The following SUCLG2 variants were observed in gnomAD, a reference collection of about 807,000 sequenced individuals.
SUCLG2 encodes succinate-CoA ligase GDP-forming subunit beta, also known as succinate--CoA ligase [GDP-forming] subunit beta, mitochondrial.
A neutral mutation model predicts 47.9 loss-of-function variants in SUCLG2; 42 were observed. That is an observed-to-expected ratio of 0.88 (90% CI 0.69 to 1.14). The LOEUF (loss-of-function observed/expected upper bound fraction) is 1.14, where lower values mean the gene tolerates loss of function less well. Among genes scored for constraint, SUCLG2 ranks in the 50% most tolerant of loss-of-function variants. The pLI, the probability that SUCLG2 is intolerant of heterozygous loss-of-function variation, is 0.00. For synonymous variants in SUCLG2, 195 were observed against 197.3 expected, an observed-to-expected ratio of 0.99 and a Z score of 0.10; for missense variants, 571 against 525.9, an observed-to-expected ratio of 1.09 and a Z score of -0.84.
At chr3:67,569,425 G>T (rs543113800) in intron 2 of SUCLG2, among the ~76,000 whole-genome samples, 4 of 152,290 alleles carry the variant, frequency 2.6e-5, no homozygotes, top group South Asian at 2.1e-4. Flanking sequence ...GACTCTTAGG[G>T]GCGGGGCTAT....
chr3:67,521,847 T>A (rs1190974601), intron 4 of SUCLG2, among the ~76,000 whole-genome samples: 1 of 151,992 alleles, frequency 6.6e-6, no homozygotes, highest in Non-Finnish European at 1.5e-5. Context: ...CTTGAACTGC[T>A]GACTTCAAGT....
chr3:67,576,217 T>A (rs7629697), intron 2 of SUCLG2, among the ~76,000 whole-genome samples: 3 of 152,128 alleles, frequency 2.0e-5, no homozygotes, highest in Admixed American at 1.3e-4. Context: ...GTCAACACAG[T>A]TCTCAAGAAA....
intron 1 of SUCLG2, among the ~76,000 whole-genome samples, chr3:67,624,436 A>G (rs1700787837): frequency 6.6e-6 from 1 of 152,234 alleles, no homozygotes; most frequent in South Asian, 2.1e-4. Flanking sequence ...GGAAAACTTG[A>G]TCTTAGATGC....
chr3:67,412,152 G>A (rs1214419233), intron 9 of SUCLG2, among the ~76,000 whole-genome samples: 17 of 152,160 alleles, frequency 1.1e-4, no homozygotes, highest in Admixed American at 1.1e-3. Flanking sequence ...TTATTTAGCT[G>A]TTCAGCAAAT....
intron 7 of SUCLG2, among the ~76,000 whole-genome samples, chr3:67,503,165 A>G (rs768751799): frequency 1.3e-5 from 2 of 152,170 alleles, no homozygotes; most frequent in Non-Finnish European, 1.5e-5. Context: ...ATATTTACTA[A>G]CTGGTCCTTG....
At chr3:67,551,265 C>A (rs561820516) in intron 2 of SUCLG2, among the ~76,000 whole-genome samples, 1 of 152,186 alleles carries the variant, frequency 6.6e-6, no homozygotes, top group East Asian at 1.9e-4. Context: ...TGGACTAATG[C>A]TTTTATGTGT....
At chr3:67,481,680 A>G (rs1015883598) in intron 9 of SUCLG2, among the ~76,000 whole-genome samples, 2 of 152,224 alleles carry the variant, frequency 1.3e-5, no homozygotes, top group African/African-American at 4.8e-5. Flanking sequence ...ATATTGCTCT[A>G]TACTGGGTTT....
At chr3:67,638,240 G>C (rs1045996389) in intron 1 of SUCLG2, among the ~76,000 whole-genome samples, 1 of 152,170 alleles carries the variant, frequency 6.6e-6, no homozygotes, top group Non-Finnish European at 1.5e-5. Flanking sequence ...GATAATGATA[G>C]TACCTATGTT....
intron 2 of SUCLG2, among the ~76,000 whole-genome samples, chr3:67,533,303 T>A (rs1391438112): frequency 6.6e-6 from 1 of 152,252 alleles, no homozygotes; most frequent in African/African-American, 2.4e-5. Flanking sequence ...TCCTAAATGC[T>A]AAATGTATCA....
intron 2 of SUCLG2, among the ~76,000 whole-genome samples, chr3:67,575,103 G>A (rs1408844429): frequency 6.6e-6 from 1 of 152,164 alleles, no homozygotes; most frequent in African/African-American, 2.4e-5. Context: ...CATTGATAAG[G>A]GGACTGTAAA....
intron 2 of SUCLG2, among the ~76,000 whole-genome samples, chr3:67,590,905 AAGAG>A (rs3030349): frequency 6.6e-6 from 1 of 151,788 alleles, no homozygotes; most frequent in African/African-American, 2.4e-5. Flanking sequence ...TTTGGACATT[AAGAG>A]AGAGAGAGTT....
chr3:67,573,516 A>G (rs759093158), intron 2 of SUCLG2, among the ~76,000 whole-genome samples: 5 of 152,220 alleles, frequency 3.3e-5, no homozygotes, highest in Non-Finnish European at 7.3e-5. Flanking sequence ...ACAATGTATT[A>G]TCTTACAATT....
intron 1 of SUCLG2, among the ~76,000 whole-genome samples, chr3:67,618,800 G>T (rs571766332): frequency 4.6e-5 from 7 of 152,158 alleles, no homozygotes; most frequent in Non-Finnish European, 1.0e-4. Context: ...TGACGATATG[G>T]TACCTGAAAA....
At chr3:67,474,378 C>T (rs909134317) in intron 9 of SUCLG2, among the ~76,000 whole-genome samples, 1 of 152,078 alleles carries the variant, frequency 6.6e-6, no homozygotes, top group South Asian at 2.1e-4. Flanking sequence ...CAAAATAATG[C>T]CCCCAAATGA....
intron 2 of SUCLG2, among the ~76,000 whole-genome samples, chr3:67,572,980 TACAAA>T (rs1307240130): frequency 6.6e-6 from 1 of 152,020 alleles, no homozygotes; most frequent in African/African-American, 2.4e-5. Context: ...GGTCACAGGA[TACAAA>T]ATAAAAGATA....
intron 2 of SUCLG2, among the ~76,000 whole-genome samples, chr3:67,567,776 A>G (rs984050947): frequency 2.0e-5 from 3 of 152,206 alleles, no homozygotes; most frequent in African/African-American, 7.2e-5. Flanking sequence ...TGTTTTATTA[A>G]AAGATTCATT....
At chr3:67,399,319 G>C (rs139800426) in intron 10 of SUCLG2, among the ~76,000 whole-genome samples, 1 of 152,194 alleles carries the variant, frequency 6.6e-6, no homozygotes, top group South Asian at 2.1e-4. Flanking sequence ...AAAAGTGTTC[G>C]TGCAACTGTC....
At chr3:67,590,600 C>T (rs976085322) in intron 2 of SUCLG2, among the ~76,000 whole-genome samples, 5 of 152,186 alleles carry the variant, frequency 3.3e-5, no homozygotes, top group Non-Finnish European at 7.3e-5. Flanking sequence ...CATGCCTACT[C>T]CTGCTTTGCC....
At chr3:67,430,336 G>A (rs1376882122) in intron 9 of SUCLG2, among the ~76,000 whole-genome samples, 1 of 152,134 alleles carries the variant, frequency 6.6e-6, no homozygotes, top group Non-Finnish European at 1.5e-5. Flanking sequence ...TGAACAACCT[G>A]CTCCTGAGTG....
Sources: gnomAD v4.1 joint callset for allele counts (sites outside exome capture counted in the v4.1 genomes callset) on GRCh38, gnomAD v4.1.1 for gene constraint, MANE v1.5 for transcripts, NCBI Gene and HGNC (gene_info 2026-07-23, HGNC 2026-07-21) for gene names.